Variants in HPS4 observed in about 807,000 individuals in gnomAD.
The protein encoded by HPS4 is HPS4 biogenesis of lysosomal organelles complex 3 subunit 2.
A neutral mutation model predicts 70.3 loss-of-function variants in HPS4; 44 were observed. The ratio of observed to expected loss-of-function variants is 0.63; its 90% CI spans 0.49 to 0.80. HPS4 has a LOEUF of 0.80. HPS4 is among the 30% of genes least tolerant of loss of function. HPS4 has a pLI of 0.00. For missense variants in HPS4, 873 were observed against 884.4 expected (o/e 0.99, Z 0.16); for synonymous variants, 377 against 355.9 (o/e 1.06, Z -0.67).
At chr22:26,466,816 G>T in intron 8 of HPS4, 1 of 161,250 alleles carries the variant, frequency 6.2e-6, no homozygotes. Context: ...TTCAATCTGA[G>T]GGTTCCAAAA....
At chr22:26,445,115 T>A (rs968511002) in intron 3 of HPS4, 1 of 152,588 alleles carries the variant, frequency 6.6e-6, no homozygotes, top group Admixed American at 6.5e-5. Flanking sequence ...CGGGGAGGAT[T>A]GCTTGAGCCA....
chr22:26,478,570 CAAA>C (rs58708957), intron 3 of HPS4, among the ~76,000 whole-genome samples: 1 of 111,238 alleles, frequency 9.0e-6, no homozygotes, highest in Non-Finnish European at 1.7e-5. Flanking sequence ...GCCTCCATCA[CAAA>C]AAAAAAAAAA....
intron 4 of HPS4, among the ~76,000 whole-genome samples, chr22:26,475,172 G>A (rs1198549526): frequency 6.6e-6 from 1 of 152,086 alleles, no homozygotes; most frequent in Non-Finnish European, 1.5e-5. Context: ...ACTGGACACA[G>A]TTCAGATGTC....
chr22:26,481,507 A>G (rs368493572), intron 2 of HPS4, among the ~76,000 whole-genome samples: 1 of 152,324 alleles, frequency 6.6e-6, no homozygotes, highest in East Asian at 1.9e-4. Context: ...GCAATGCCAG[A>G]CTCATTCAAA....
At chr22:26,447,088 C>T (rs2084977728), downstream of HPS4, among the ~76,000 whole-genome samples, 2 of 152,214 alleles carry the variant, frequency 1.3e-5, no homozygotes, top group South Asian at 4.1e-4. Context: ...ACCATAACAT[C>T]CCCATGCTCA....
intron 6 of HPS4, 62 bp downstream of exon 6, chr22:26,472,240 A>T (rs1602019269): frequency 9.6e-7 from 1 of 1,036,670 alleles, no homozygotes. Flanking sequence ...CAGGAATATT[A>T]AAAAAGTATC....
chr22:26,469,439 CTG>C (rs1382960940), intron 7 of HPS4, among the ~76,000 whole-genome samples: 3 of 152,006 alleles, frequency 2.0e-5, no homozygotes, highest in African/African-American at 7.2e-5. Flanking sequence ...CAAAGCAAGA[CTG>C]TGTCTCAAAA....
At chr22:26,455,815 G>A (rs1601797310) in intron 13 of HPS4, among the ~76,000 whole-genome samples, 1 of 152,044 alleles carries the variant, frequency 6.6e-6, no homozygotes, top group South Asian at 2.1e-4. Context: ...AATGCCTTGA[G>A]CTATGTGTCT....
At chr22:26,476,593 T>TC in intron 4 of HPS4, 1 of 146,732 alleles carries the variant, frequency 6.8e-6, no homozygotes, top group South Asian at 1.8e-4. Flanking sequence ...AGCAATATTC[T>TC]TTTTTTTTTT....
rs1472598672 is a variant in HPS4, at chr22:26,458,612, C to T, written c.1714-35G>A. 3.7e-6 allele frequency: 6 copies of T among 1,612,748 alleles called. No homozygotes were observed. The South Asian group carries it at 6.6e-5, about 18-fold the overall frequency. ...GGGAGAGGGTCATGGGCTTGTAGGG[C>T]TGACCTCAGCAAGCCTTCTGAGGGC... On this transcript the variant is annotated intron_variant, in intron 11 of 13. Coordinates refer to ENST00000398145, the MANE Select transcript of HPS4 (RefSeq NM_022081.6).
At chr22:26,467,073 T>C (rs1396286921) in intron 8 of HPS4, 3 of 152,210 alleles carry the variant, frequency 2.0e-5, no homozygotes, top group Non-Finnish European at 2.9e-5. Context: ...GCAGTTTTTA[T>C]ACTTTTGAGG....
At position 26,450,964 on chromosome 22, in the gene HPS4, T is replaced by C. The variant is rs147989849; in HGVS notation, c.*2269A>G. ...CTAACACACCACTATTAATCACTCA[T>C]GCGACCTTTATCCTTACAGTTCACA... On this transcript the variant is annotated 3_prime_UTR_variant, in exon 14 of 14. Coordinates refer to ENST00000398145, the MANE Select transcript of HPS4 (RefSeq NM_022081.6). Among the ~76,000 whole-genome samples the C allele has an allele frequency of 8.1e-3, 1,240 of 152,324 alleles. 16 individuals are homozygous for C. The highest frequency in any genetic ancestry group is 0.028 in the African/African-American group (1,158 of 41,560).
At chr22:26,479,663 C>T in intron 2 of HPS4, 1 of 1,234,970 alleles carries the variant, frequency 8.1e-7, no homozygotes, top group Non-Finnish European at 1.0e-6. Flanking sequence ...TGAACCTTAA[C>T]TATACAACCA....
At chr22:26,483,609 G>T in intron 1 of HPS4, 65 bp downstream of exon 1, 1 of 281,522 alleles carries the variant, frequency 3.6e-6, no homozygotes, top group Non-Finnish European at 6.5e-6. Flanking sequence ...AGGCGGGGTC[G>T]GGTCACGCTC....
chr22:26,480,690 G>A, intron 2 of HPS4, among the ~76,000 whole-genome samples: 1 of 152,046 alleles, frequency 6.6e-6, no homozygotes, highest in Non-Finnish European at 1.5e-5. Context: ...GCCTAGGTAG[G>A]AGGACTGCTT....
Position 26,452,361 on chromosome 22 carries a change from G to C in HPS4, c.*872C>G, listed in dbSNP as rs143369347. The C allele has an allele frequency of 5.5e-3, 2,514 of 456,624 alleles. 18 individuals carry two copies. The highest frequency in any genetic ancestry group is 8.2e-3 in the Non-Finnish European group (1,857 of 226,950). 28.3% of individuals were successfully genotyped at this position (456,624 alleles called of 1,614,324 possible). A position where few individuals can be genotyped will look rare whatever the true frequency, so the allele number is the denominator to read the frequency against. The stretch of plus-strand genomic sequence containing the variant: ...GGTTCTAAGTACCACACAAGCCCAG[G>C]AACACACAGCTGAGTGTCGCTCCCT... On this transcript the variant is annotated 3_prime_UTR_variant, in exon 14 of 14. Transcript: ENST00000398145.
rs113465339 is a variant in HPS4, at chr22:26,456,664, T to G, written c.1955+1195A>C. On this transcript the variant is annotated intron_variant, in intron 13 of 13. Transcript: ENST00000398145. The stretch of plus-strand genomic sequence containing the variant: ...GAGTGAGACTCCATCTCAAAATAAA[T>G]AAATAAAAAATAATGCCCTTGACCA... Among the ~76,000 whole-genome samples, 1,280 of 151,970 alleles carry G rather than the reference T, an allele frequency of 8.4e-3. 8 individuals carry two copies. The highest frequency in any genetic ancestry group is 0.017 in the Middle Eastern group (5 of 294).
intron 6 of HPS4, 96 bp downstream of exon 6, chr22:26,472,206 C>T: frequency 1.2e-6 from 1 of 845,872 alleles, no homozygotes. Context: ...ACATTCTACT[C>T]ACTTTTCCAG....
chr22:26,447,903 G>T (rs1041043710), downstream of HPS4, among the ~76,000 whole-genome samples: 2 of 152,138 alleles, frequency 1.3e-5, no homozygotes, highest in African/African-American at 4.8e-5. Context: ...CCACGTTCGA[G>T]GTGAGGGCAC....
Sources: allele counts gnomAD v4.1 joint callset (sites outside exome capture counted in the v4.1 genomes callset), GRCh38; gene constraint gnomAD v4.1.1; transcripts MANE v1.5; gene names NCBI Gene and HGNC (gene_info 2026-07-23, HGNC 2026-07-21).